The following SESTD1 variants were observed in gnomAD, a reference collection of about 807,000 sequenced individuals.
SESTD1 encodes SEC14 and spectrin domain containing 1, also known as SEC14 domain and spectrin repeat-containing protein 1.
SESTD1 carries 43 observed loss-of-function variants against 101.7 expected under a neutral mutation model. The ratio of observed to expected loss-of-function variants is 0.42; its 90% confidence interval spans 0.33 to 0.55. The LOEUF is 0.55. SESTD1 is among the 20% of genes least tolerant of loss of function. SESTD1 has a pLI of 0.07. For synonymous variants in SESTD1, 283 were observed against 286.8 expected (o/e 0.99, Z 0.13); for missense variants, 647 against 815.1 (o/e 0.79, Z 2.51).
chr2:179,146,331 T>C, intron 8 of SESTD1, 71 bp downstream of exon 8: 1 of 1,373,044 alleles, frequency 7.3e-7, no homozygotes, highest in Non-Finnish European at 1.0e-6. Flanking sequence ...GCTGAATTCA[T>C]GTTTATTTAA....
intron 1 of SESTD1, among the ~76,000 whole-genome samples, chr2:179,242,476 T>C (rs974377222): frequency 6.6e-6 from 1 of 152,176 alleles, no homozygotes; most frequent in Non-Finnish European, 1.5e-5. Flanking sequence ...CTAAAATTCA[T>C]CTGGAACCAA....
At chr2:179,205,938 G>A (rs906629090) in intron 1 of SESTD1, among the ~76,000 whole-genome samples, 3 of 132,948 alleles carry the variant, frequency 2.3e-5, no homozygotes, top group Admixed American at 2.2e-4. Context: ...TTTTTCAAAA[G>A]TTATTTGCTC....
chr2:179,118,657 T>C (rs545999096), intron 13 of SESTD1, among the ~76,000 whole-genome samples: 6 of 152,342 alleles, frequency 3.9e-5, no homozygotes, highest in African/African-American at 1.4e-4. Flanking sequence ...AAGTGATAAT[T>C]ATTTTTTAAA....
chr2:179,199,328 A>G (rs1047578790), intron 1 of SESTD1, among the ~76,000 whole-genome samples: 3 of 152,158 alleles, frequency 2.0e-5, no homozygotes, highest in African/African-American at 7.2e-5. Context: ...TTACCAACCA[A>G]AAAGAGTCCA....
At chr2:179,211,995 A>G (rs1297019431) in intron 1 of SESTD1, among the ~76,000 whole-genome samples, 1 of 134,578 alleles carries the variant, frequency 7.4e-6, no homozygotes. Context: ...TTGATCCCCA[A>G]AAACTATTGA....
intron 1 of SESTD1, among the ~76,000 whole-genome samples, chr2:179,220,028 C>A (rs2046790556): frequency 6.6e-6 from 1 of 152,096 alleles, no homozygotes; most frequent in African/African-American, 2.4e-5. Flanking sequence ...TGCTAATCCA[C>A]CTTAAGAGAC....
chr2:179,141,050 C>T (rs2045264970), intron 9 of SESTD1, among the ~76,000 whole-genome samples: 1 of 152,208 alleles, frequency 6.6e-6, no homozygotes, highest in Non-Finnish European at 1.5e-5. Context: ...TTTTCAATCA[C>T]ATCAATGCTT....
chr2:179,181,579 G>T (rs1197003740), intron 3 of SESTD1, among the ~76,000 whole-genome samples: 1 of 152,046 alleles, frequency 6.6e-6, no homozygotes, highest in African/African-American at 2.4e-5. Flanking sequence ...GTACAAAAAG[G>T]CTCTAAATTG....
At chr2:179,146,052 A>T (rs2045388368) in intron 8 of SESTD1, among the ~76,000 whole-genome samples, 1 of 141,802 alleles carries the variant, frequency 7.1e-6, no homozygotes, top group Non-Finnish European at 1.5e-5. Context: ...GCGGCAGGCC[A>T]GCAAGCATTA....
intron 2 of SESTD1, among the ~76,000 whole-genome samples, chr2:179,186,430 A>G (rs1007108784): frequency 4.6e-5 from 7 of 152,182 alleles, no homozygotes; most frequent in Admixed American, 1.3e-4. Context: ...GCAAAGAGTG[A>G]AAACAGAATA....
At chr2:179,151,162 T>A in intron 6 of SESTD1, 116 bp downstream of exon 6, 1 of 616,554 alleles carries the variant, frequency 1.6e-6, no homozygotes, top group South Asian at 4.4e-5. Flanking sequence ...TGCACATATT[T>A]CTCCATTTTT....
At chr2:179,173,184 G>A (rs183179414) in intron 4 of SESTD1, among the ~76,000 whole-genome samples, 257 of 152,218 alleles carry the variant, frequency 1.7e-3, no homozygotes, top group Admixed American at 2.8e-3. Flanking sequence ...ATACCTAGGA[G>A]TGCTCCCTCA....
At chr2:179,139,299 G>GA (rs1260712326) in intron 9 of SESTD1, among the ~76,000 whole-genome samples, 3 of 151,944 alleles carry the variant, frequency 2.0e-5, no homozygotes, top group South Asian at 2.1e-4. Flanking sequence ...TCCTCTTTAT[G>GA]AAAAAAAGAC....
At chr2:179,122,720 T>A (rs1317561642) in intron 12 of SESTD1, among the ~76,000 whole-genome samples, 7 of 151,996 alleles carry the variant, frequency 4.6e-5, no homozygotes, top group Non-Finnish European at 8.8e-5. Flanking sequence ...CAAAACCCCA[T>A]GTCTACTATA....
chr2:179,159,983 C>A (rs922124578), intron 5 of SESTD1, among the ~76,000 whole-genome samples: 1 of 152,044 alleles, frequency 6.6e-6, no homozygotes, highest in Non-Finnish European at 1.5e-5. Flanking sequence ...GCCTCCCGAG[C>A]AGCTGGGATT....
intron 17 of SESTD1, among the ~76,000 whole-genome samples, chr2:179,111,970 T>C (rs1481968990): frequency 6.6e-6 from 1 of 152,124 alleles, no homozygotes; most frequent in African/African-American, 2.4e-5. Flanking sequence ...CCGCCCGCTT[T>C]GGCCTCCCAA....
intron 1 of SESTD1, among the ~76,000 whole-genome samples, chr2:179,249,793 T>C (rs2047289272): frequency 6.6e-6 from 1 of 151,198 alleles, no homozygotes; most frequent in African/African-American, 2.4e-5. Flanking sequence ...AACACACAAA[T>C]ATGCCCAACT....
At chr2:179,208,760 G>T (rs2046618308) in intron 1 of SESTD1, among the ~76,000 whole-genome samples, 1 of 134,720 alleles carries the variant, frequency 7.4e-6, no homozygotes, top group Non-Finnish European at 1.6e-5. Flanking sequence ...CACCAAAATA[G>T]AATCTCCTTA....
At chr2:179,130,754 T>A (rs1295513642) in intron 10 of SESTD1, among the ~76,000 whole-genome samples, 3 of 151,948 alleles carry the variant, frequency 2.0e-5, no homozygotes, top group Admixed American at 6.6e-5. Context: ...TGTTCTAGAG[T>A]AAATACAGTT....
Sources: gnomAD v4.1 joint callset for allele counts (sites outside exome capture counted in the v4.1 genomes callset) on GRCh38, gnomAD v4.1.1 for gene constraint, MANE v1.5 for transcripts, NCBI Gene and HGNC (gene_info 2026-07-23, HGNC 2026-07-21) for gene names.